The following VPS53 variants were observed in gnomAD, a reference collection of about 807,000 sequenced individuals.
VPS53 encodes the protein VPS53 subunit of GARP complex.
Under a neutral mutation model 107.0 loss-of-function variants are expected in VPS53, and 70 were observed. The observed-to-expected ratio is 0.65, with a 90% confidence interval of 0.54 to 0.80. The LOEUF is 0.80. Ranked by LOEUF, VPS53 falls within the 30% of genes least tolerant of loss-of-function variation. The pLI is 0.00. For synonymous variants in VPS53, 409 were observed against 393.3 expected (o/e 1.04, Z -0.47); for missense variants, 917 against 1,049.4 (o/e 0.87, Z 1.74).
chr17:706,979 A>G (rs1299940888), intron 2 of VPS53, among the ~76,000 whole-genome samples: 1 of 152,204 alleles, frequency 6.6e-6, no homozygotes, highest in Non-Finnish European at 1.5e-5. Context: ...AATGTGCTCC[A>G]GTCATTATCC....
intron 13 of VPS53, among the ~76,000 whole-genome samples, chr17:566,093 A>T (rs907392137): frequency 6.7e-6 from 1 of 149,778 alleles, no homozygotes; most frequent in Admixed American, 6.7e-5. Context: ...AGTCCCAGCT[A>T]CTTGGGAGGC....
At chr17:531,504 T>A (rs893617002) in intron 19 of VPS53, among the ~76,000 whole-genome samples, 9 of 151,788 alleles carry the variant, frequency 5.9e-5, no homozygotes, top group African/African-American at 1.9e-4. Context: ...ATTAAAAGAC[T>A]CTTTTTTTTT....
intron 12 of VPS53, among the ~76,000 whole-genome samples, chr17:598,569 CG>C (rs1484118793): frequency 6.6e-6 from 1 of 150,776 alleles, no homozygotes; most frequent in Non-Finnish European, 1.5e-5. Context: ...CGTCTCTGCC[CG>C]GCTGCCCATT....
At chr17:596,211 T>C (rs1967965730) in intron 12 of VPS53, among the ~76,000 whole-genome samples, 1 of 152,248 alleles carries the variant, frequency 6.6e-6, no homozygotes, top group Admixed American at 6.5e-5. Flanking sequence ...ATTTTGCCTA[T>C]AGTTTCCTTT....
intron 17 of VPS53, among the ~76,000 whole-genome samples, chr17:539,557 A>T (rs1318285886): frequency 6.6e-6 from 1 of 152,230 alleles, no homozygotes; most frequent in African/African-American, 2.4e-5. Context: ...AGTATTTTTT[A>T]AAAATGTGGC....
intron 4 of VPS53, among the ~76,000 whole-genome samples, chr17:676,893 A>G (rs1256289849): frequency 6.6e-6 from 1 of 151,956 alleles, no homozygotes; most frequent in African/African-American, 2.4e-5. Context: ...GGCACTACAT[A>G]CAAAAGCTTA....
rs1314155911 is a variant in VPS53 at position 508,958 on chromosome 17, A to G, written c.*10170T>C. ...CATAAAATACTTTTATCTATTTTGTATAGAGGGAATCCAATGTAAAATTTT... is the reference window on the plus strand; with the variant it reads ...CATAAAATACTTTTATCTATTTTGTGTAGAGGGAATCCAATGTAAAATTTT... On this transcript the variant is annotated 3_prime_UTR_variant, in exon 22 of 22. Transcript: ENST00000437048. 5.3e-5 allele frequency: 8 copies of G among 152,238 alleles called. No individual in the cohort carries two copies. The highest frequency in any genetic ancestry group is 1.0e-4 in the Non-Finnish European group (7 of 68,058). 9.4% of individuals were successfully genotyped at this position (152,238 alleles called of 1,614,324 possible). A position where few individuals can be genotyped will look rare whatever the true frequency, so the allele number is the denominator to read the frequency against.
At chr17:653,552 G>C (rs1018531517) in intron 6 of VPS53, 142 bp from the exon 7 acceptor site, 3 of 1,323,326 alleles carry the variant, frequency 2.3e-6, no homozygotes, top group Non-Finnish European at 3.1e-6. Flanking sequence ...ATAAGCTGCT[G>C]TGCGTTGTGG....
intron 4 of VPS53, among the ~76,000 whole-genome samples, chr17:664,975 G>A (rs982845892): frequency 3.9e-5 from 6 of 152,106 alleles, no homozygotes; most frequent in Non-Finnish European, 8.8e-5. Flanking sequence ...GTGGTGGCGG[G>A]GCTGGAAGTG....
At chr17:604,254 G>C (rs1161872789) in intron 11 of VPS53, among the ~76,000 whole-genome samples, 3 of 152,094 alleles carry the variant, frequency 2.0e-5, no homozygotes, top group African/African-American at 7.2e-5. Flanking sequence ...CTGGCATAAA[G>C]CATCAAGAAA....
intron 11 of VPS53, among the ~76,000 whole-genome samples, chr17:607,479 G>A (rs894371166): frequency 6.6e-6 from 1 of 152,238 alleles, no homozygotes. Flanking sequence ...GACTTGCTAA[G>A]ATGAAAGAAC....
intron 12 of VPS53, among the ~76,000 whole-genome samples, chr17:599,416 C>A (rs922110841): frequency 1.3e-5 from 2 of 152,074 alleles, no homozygotes; most frequent in Non-Finnish European, 2.9e-5. Context: ...AAGAAAACTT[C>A]TTCTGCCTTG....
chr17:557,236 C>T (rs1912525165), intron 15 of VPS53, among the ~76,000 whole-genome samples: 1 of 152,160 alleles, frequency 6.6e-6, no homozygotes, highest in Non-Finnish European at 1.5e-5. Context: ...TGTTCCTTGG[C>T]TCATAGAAGT....
intron 11 of VPS53, among the ~76,000 whole-genome samples, chr17:622,748 G>T (rs1969523472): frequency 6.6e-6 from 1 of 151,948 alleles, no homozygotes; most frequent in African/African-American, 2.4e-5. Flanking sequence ...TAGAGATAGG[G>T]TGTCACTCTG....
intron 12 of VPS53, among the ~76,000 whole-genome samples, chr17:592,882 G>A (rs921712504): frequency 5.9e-5 from 9 of 152,056 alleles, no homozygotes; most frequent in South Asian, 2.1e-4. Flanking sequence ...TGCTCTTCTC[G>A]AGGAGTATCT....
At chr17:630,189 G>A (rs1969894331) in intron 8 of VPS53, among the ~76,000 whole-genome samples, 1 of 152,100 alleles carries the variant, frequency 6.6e-6, no homozygotes, top group African/African-American at 2.4e-5. Flanking sequence ...AGCTATTTGG[G>A]AGGCTGAGGC....
At chr17:568,377 G>A (rs1913735706) in intron 13 of VPS53, among the ~76,000 whole-genome samples, 1 of 151,908 alleles carries the variant, frequency 6.6e-6, no homozygotes, top group Non-Finnish European at 1.5e-5. Flanking sequence ...GAGTAGCTGG[G>A]ACTACAGGTG....
At chr17:679,374 C>T (rs374692362) in intron 4 of VPS53, among the ~76,000 whole-genome samples, 12 of 151,990 alleles carry the variant, frequency 7.9e-5, no homozygotes, top group African/African-American at 2.2e-4. Context: ...ATTAGCCAGG[C>T]GTGGTGGCGG....
At chr17:530,267 C>A (rs1909437920) in intron 19 of VPS53, among the ~76,000 whole-genome samples, 1 of 151,692 alleles carries the variant, frequency 6.6e-6, no homozygotes. Context: ...AATTCTCCTG[C>A]CTCAGCCTCT....
Sources: allele counts gnomAD v4.1 joint callset (sites outside exome capture counted in the v4.1 genomes callset), GRCh38; gene constraint gnomAD v4.1.1; transcripts MANE v1.5; gene names NCBI Gene and HGNC (gene_info 2026-07-23, HGNC 2026-07-21).